The following LRRC4C variants were observed in gnomAD, a reference collection of about 807,000 sequenced individuals.
LRRC4C encodes leucine-rich repeat-containing protein 4C.
A neutral mutation model predicts 33.6 loss-of-function variants in LRRC4C; 5 were observed. The observed-to-expected ratio is 0.15, with a 90% CI of 0.08 to 0.31. The LOEUF is 0.31. Ranked by LOEUF, LRRC4C falls within the 10% of genes least tolerant of loss-of-function variation. LRRC4C has a pLI of 1.00. For synonymous variants in LRRC4C, 329 were observed against 302.0 expected, an observed-to-expected ratio of 1.09 and a Z score of -0.93; for missense variants, 560 against 796.7, an observed-to-expected ratio of 0.70 and a Z score of 3.58.
At chr11:41,032,847 C>T (rs1412409580) in intron 1 of LRRC4C, among the ~76,000 whole-genome samples, 1 of 152,000 alleles carries the variant, frequency 6.6e-6, no homozygotes, top group Non-Finnish European at 1.5e-5. Flanking sequence ...AAGATAATTT[C>T]ATTTTGTTGA....
At chr11:40,705,415 T>C (rs1946107775) in intron 2 of LRRC4C, among the ~76,000 whole-genome samples, 1 of 151,962 alleles carries the variant, frequency 6.6e-6, no homozygotes, top group African/African-American at 2.4e-5. Flanking sequence ...GTCCAAGTGT[T>C]CTCATGGTTC....
chr11:40,520,050 A>G (rs1048498320), intron 3 of LRRC4C, among the ~76,000 whole-genome samples: 1 of 152,234 alleles, frequency 6.6e-6, no homozygotes, highest in East Asian at 1.9e-4. Flanking sequence ...AGACTGATGC[A>G]CTGGCAACTA....
At chr11:40,338,282 GAT>G (rs1323404755) in intron 3 of LRRC4C, among the ~76,000 whole-genome samples, 1 of 152,302 alleles carries the variant, frequency 6.6e-6, no homozygotes, top group East Asian at 1.9e-4. Flanking sequence ...TTGTAGTTAA[GAT>G]ATGTTTTGGA....
At chr11:41,101,397 A>C (rs554139984) in intron 1 of LRRC4C, among the ~76,000 whole-genome samples, 17 of 152,340 alleles carry the variant, frequency 1.1e-4, no homozygotes, top group African/African-American at 4.1e-4. Context: ...GTATGAAAAA[A>C]AGCTCAGTAT....
At chr11:41,424,908 T>A (rs1954989263) in intron 1 of LRRC4C, among the ~76,000 whole-genome samples, 1 of 151,830 alleles carries the variant, frequency 6.6e-6, no homozygotes, top group South Asian at 2.1e-4. Context: ...AACCAGTAAA[T>A]GATGTTGAGA....
chr11:40,281,431 C>G (rs1167215106), intron 4 of LRRC4C, among the ~76,000 whole-genome samples: 2 of 152,084 alleles, frequency 1.3e-5, no homozygotes, highest in Non-Finnish European at 2.9e-5. Flanking sequence ...TGAGCTCTCT[C>G]CCCGCAAACT....
intron 3 of LRRC4C, among the ~76,000 whole-genome samples, chr11:40,369,422 C>T (rs917077991): frequency 2.1e-4 from 32 of 152,188 alleles, no homozygotes; most frequent in Admixed American, 1.2e-3. Context: ...TCGGAATCAC[C>T]GCAAACTCTG....
intron 1 of LRRC4C, among the ~76,000 whole-genome samples, chr11:41,242,597 A>G (rs1269941948): frequency 6.6e-6 from 1 of 152,194 alleles, no homozygotes; most frequent in Non-Finnish European, 1.5e-5. Flanking sequence ...ATAAATTATT[A>G]AGCATCACAT....
intron 3 of LRRC4C, among the ~76,000 whole-genome samples, chr11:40,611,951 C>T (rs1405270956): frequency 6.6e-6 from 1 of 151,730 alleles, no homozygotes; most frequent in African/African-American, 2.4e-5. Context: ...AATAGTGCAG[C>T]CACTATCTAT....
intron 2 of LRRC4C, among the ~76,000 whole-genome samples, chr11:40,832,150 C>A (rs1952444170): frequency 6.6e-6 from 1 of 152,024 alleles, no homozygotes; most frequent in Non-Finnish European, 1.5e-5. Flanking sequence ...CAAACCTGAG[C>A]AGCAGGTTAC....
chr11:40,916,689 A>G (rs996594713), intron 2 of LRRC4C, among the ~76,000 whole-genome samples: 26 of 151,794 alleles, frequency 1.7e-4, no homozygotes, highest in African/African-American at 5.8e-4. Flanking sequence ...CTAAAACTTA[A>G]AGTATAATAA....
chr11:40,884,381 C>A (rs555094758), intron 2 of LRRC4C, among the ~76,000 whole-genome samples: 11 of 152,104 alleles, frequency 7.2e-5, no homozygotes, highest in Admixed American at 5.2e-4. Context: ...CATATGTGTG[C>A]ATGTTTATTT....
chr11:41,001,590 A>G (rs1854385964), intron 1 of LRRC4C, among the ~76,000 whole-genome samples: 1 of 144,012 alleles, frequency 6.9e-6, no homozygotes, highest in East Asian at 2.1e-4. Flanking sequence ...TTGTCTGACA[A>G]GCTAAGAGAA....
intron 2 of LRRC4C, among the ~76,000 whole-genome samples, chr11:40,665,588 A>G (rs1203715924): frequency 1.3e-5 from 2 of 151,568 alleles, no homozygotes; most frequent in African/African-American, 4.8e-5. Flanking sequence ...AAAACCAGAG[A>G]AGGACAGTTT....
At chr11:40,499,593 A>G (rs1226074930) in intron 3 of LRRC4C, among the ~76,000 whole-genome samples, 1 of 152,216 alleles carries the variant, frequency 6.6e-6, no homozygotes. Context: ...AATGTTCTCA[A>G]TATCTAATCA....
At chr11:41,066,033 C>G (rs1337220178) in intron 1 of LRRC4C, among the ~76,000 whole-genome samples, 2 of 152,176 alleles carry the variant, frequency 1.3e-5, no homozygotes, top group African/African-American at 2.4e-5. Context: ...CAACACTTCT[C>G]CAGCAAGAGC....
chr11:40,994,798 TTCTC>T (rs1261170428), intron 1 of LRRC4C, among the ~76,000 whole-genome samples: 3 of 111,686 alleles, frequency 2.7e-5, no homozygotes, highest in Non-Finnish European at 3.9e-5. Flanking sequence ...TCTTTAAGAT[TTCTC>T]TCTCTATTTA....
At chr11:40,946,720 G>A (rs1204369464) in intron 1 of LRRC4C, among the ~76,000 whole-genome samples, 1 of 152,124 alleles carries the variant, frequency 6.6e-6, no homozygotes, top group Non-Finnish European at 1.5e-5. Flanking sequence ...AGGGATAAAA[G>A]TAACAAAGAA....
intron 2 of LRRC4C, among the ~76,000 whole-genome samples, chr11:40,720,290 C>T (rs1295988393): frequency 6.6e-6 from 1 of 152,108 alleles, no homozygotes; most frequent in Non-Finnish European, 1.5e-5. Context: ...AGGCATCTTT[C>T]TTTTATTTCA....
Sources: gnomAD v4.1 joint callset for allele counts (sites outside exome capture counted in the v4.1 genomes callset) on GRCh38, gnomAD v4.1.1 for gene constraint, MANE v1.5 for transcripts, NCBI Gene and HGNC (gene_info 2026-07-23, HGNC 2026-07-21) for gene names.